ELMO1: variants seen among roughly 807,000 people sequenced by gnomAD.
ELMO1 encodes engulfment and cell motility protein 1.
ELMO1 carries 26 observed loss-of-function variants against 98.9 expected under a neutral mutation model. The observed-to-expected ratio is 0.26, with a 90% CI of 0.19 to 0.36. The LOEUF is 0.36. ELMO1 is among the 10% of genes least tolerant of loss of function. ELMO1 has a pLI of 1.00. For synonymous variants in ELMO1, 346 were observed against 346.0 expected, an observed-to-expected ratio of 1.00 and a Z score of 0.00; for missense variants, 627 against 935.2, an observed-to-expected ratio of 0.67 and a Z score of 4.30.
chr7:36,988,507 CT>C, intron 16 of ELMO1, among the ~76,000 whole-genome samples: 1 of 152,178 alleles, frequency 6.6e-6, no homozygotes, highest in Non-Finnish European at 1.5e-5. Flanking sequence ...CCTGCAGACT[CT>C]AATAGAGGAG....
In ELMO1 at chr7:36,852,924, T is replaced by C. The variant is rs370779724; in HGVS notation, c.*2627A>G. On this transcript the variant is annotated 3_prime_UTR_variant, in exon 22 of 22. Transcript: ENST00000310758. ...CAGCAGATTCAAATTAAGTAATCAGTTTTATTTTGAGTAATATGAATAGCA... is the reference window on the plus strand; with the variant it reads ...CAGCAGATTCAAATTAAGTAATCAGCTTTATTTTGAGTAATATGAATAGCA... Among the ~76,000 whole-genome samples the C allele has an allele frequency of 2.0e-5, 3 of 152,192 alleles. No individual in the cohort carries two copies. The highest frequency in any genetic ancestry group is 7.2e-5 in the African/African-American group (3 of 41,442).
At chr7:37,428,848 G>T (rs1030011422) in intron 1 of ELMO1, among the ~76,000 whole-genome samples, 1 of 152,228 alleles carries the variant, frequency 6.6e-6, no homozygotes, top group Non-Finnish European at 1.5e-5. Context: ...TCATCAAAAT[G>T]TGTTTAAATT....
At chr7:37,133,896 A>C (rs1347568657) in intron 13 of ELMO1, among the ~76,000 whole-genome samples, 2 of 152,226 alleles carry the variant, frequency 1.3e-5, no homozygotes, top group Non-Finnish European at 2.9e-5. Context: ...ATAGCTACAG[A>C]TATGCAGAAC....
chr7:37,097,675 A>G (rs1480104774), intron 14 of ELMO1, among the ~76,000 whole-genome samples: 1 of 152,174 alleles, frequency 6.6e-6, no homozygotes, highest in Non-Finnish European at 1.5e-5. Context: ...TACTGGCTCA[A>G]CTATGCTGAC....
At chr7:36,959,495 A>C (rs1270973993) in intron 16 of ELMO1, among the ~76,000 whole-genome samples, 2 of 152,058 alleles carry the variant, frequency 1.3e-5, no homozygotes, top group African/African-American at 4.8e-5. Context: ...TGAACTAAAG[A>C]AGCAGCCTCA....
intron 13 of ELMO1, among the ~76,000 whole-genome samples, chr7:37,141,659 C>T (rs1314477233): frequency 6.6e-6 from 1 of 152,182 alleles, no homozygotes; most frequent in Non-Finnish European, 1.5e-5. Flanking sequence ...GCTTTTGCCT[C>T]ATGATCCAGA....
At chr7:37,050,623 C>A (rs552099900) in intron 15 of ELMO1, among the ~76,000 whole-genome samples, 77 of 146,414 alleles carry the variant, frequency 5.3e-4, no homozygotes, top group Non-Finnish European at 1.0e-3. Flanking sequence ...CACACACACA[C>A]ACACACACAC....
At chr7:36,905,921 C>T (rs545407337) in intron 16 of ELMO1, among the ~76,000 whole-genome samples, 3 of 152,322 alleles carry the variant, frequency 2.0e-5, no homozygotes, top group East Asian at 1.9e-4. Flanking sequence ...GGGTAGAACC[C>T]GAAGCCCCAC....
At chr7:37,157,069 C>A (rs1383825881) in intron 13 of ELMO1, among the ~76,000 whole-genome samples, 2 of 151,052 alleles carry the variant, frequency 1.3e-5, no homozygotes, top group African/African-American at 4.8e-5. Context: ...ACAAAAACCA[C>A]GATTATCTCA....
chr7:37,374,444 G>T (rs1220482769), intron 1 of ELMO1, among the ~76,000 whole-genome samples: 2 of 152,204 alleles, frequency 1.3e-5, no homozygotes, highest in Non-Finnish European at 2.9e-5. Flanking sequence ...AAGAACATTA[G>T]TTAGTCGTTT....
At chr7:37,195,123 G>A (rs1791885656) in intron 13 of ELMO1, among the ~76,000 whole-genome samples, 5 of 152,134 alleles carry the variant, frequency 3.3e-5, no homozygotes, top group Non-Finnish European at 7.4e-5. Context: ...GGCTCCCTGT[G>A]TCTAGTCTAA....
intron 1 of ELMO1, among the ~76,000 whole-genome samples, chr7:37,350,554 C>T (rs1367657292): frequency 6.6e-6 from 1 of 152,178 alleles, no homozygotes; most frequent in African/African-American, 2.4e-5. Flanking sequence ...TTATTATTTG[C>T]AGTAAATTAA....
chr7:37,191,263 A>G (rs1195987755), intron 13 of ELMO1, among the ~76,000 whole-genome samples: 1 of 151,564 alleles, frequency 6.6e-6, no homozygotes, highest in East Asian at 1.9e-4. Flanking sequence ...ACAATGTTTT[A>G]TTTACATATA....
intron 21 of ELMO1, among the ~76,000 whole-genome samples, chr7:36,858,966 C>T (rs1004883692): frequency 6.6e-5 from 10 of 152,170 alleles, no homozygotes; most frequent in African/African-American, 2.4e-4. Flanking sequence ...CAGTTTGTTA[C>T]AATAGCAACA....
intron 16 of ELMO1, among the ~76,000 whole-genome samples, chr7:37,003,325 T>G (rs1031839368): frequency 2.0e-5 from 3 of 152,106 alleles, no homozygotes; most frequent in African/African-American, 7.2e-5. Context: ...GAGTTTGAGA[T>G]GAGCATGGGC....
chr7:37,321,665 C>T (rs1230591486), intron 2 of ELMO1, among the ~76,000 whole-genome samples: 23 of 132,870 alleles, frequency 1.7e-4, no homozygotes, highest in Non-Finnish European at 3.2e-4. Context: ...TGCAGTGAGC[C>T]GAGATCGCGC....
intron 15 of ELMO1, among the ~76,000 whole-genome samples, chr7:37,037,386 C>T (rs956597117): frequency 2.6e-5 from 4 of 152,130 alleles, no homozygotes; most frequent in Admixed American, 1.3e-4. Context: ...AAAAAGTGAT[C>T]GGCCATTCTT....
intron 13 of ELMO1, among the ~76,000 whole-genome samples, chr7:37,140,913 AAC>A (rs1327493484): frequency 2.0e-5 from 3 of 152,232 alleles, no homozygotes; most frequent in Admixed American, 6.5e-5. Context: ...GTGAAAAGGG[AAC>A]ACTTTTACAC....
rs556689316 is a variant in ELMO1, at chr7:37,109,688, C to T, written c.1192-12961G>A. On this transcript the variant is annotated intron_variant, in intron 14 of 21. Transcript: ENST00000310758. ...GACGCCCCCTAATAGGATTTCCTTC[C>T]CCTTCATTCTTATTGGTTAACAGTT... 4.6e-5 allele frequency among the ~76,000 whole-genome samples: 7 copies of T among 152,164 alleles called. No homozygotes were observed. The East Asian group carries it at 1.4e-3, about 29-fold the overall frequency.
Sources: gnomAD v4.1 joint callset for allele counts (sites outside exome capture counted in the v4.1 genomes callset) on GRCh38, gnomAD v4.1.1 for gene constraint, MANE v1.5 for transcripts, NCBI Gene and HGNC (gene_info 2026-07-23, HGNC 2026-07-21) for gene names.